Variants in FBF1 observed in about 807,000 individuals in gnomAD.
FBF1 encodes Fas binding factor 1, also known as fas-binding factor 1.
FBF1 carries 119 observed loss-of-function variants against 147.2 expected under a neutral mutation model. The ratio of observed to expected loss-of-function variants is 0.81; its 90% CI spans 0.70 to 0.94. The LOEUF is 0.94. Ranked by LOEUF, FBF1 falls within the 40% of genes least tolerant of loss-of-function variation. The pLI, the probability that FBF1 is intolerant of heterozygous loss-of-function variation, is 0.00. For synonymous variants in FBF1, 601 were observed against 609.0 expected, an observed-to-expected ratio of 0.99 and a Z score of 0.19; for missense variants, 1,449 against 1,500.8, an observed-to-expected ratio of 0.97 and a Z score of 0.57.
chr17:75,930,968 A>C (rs1567863366), intron 6 of FBF1, among the ~76,000 whole-genome samples: 3 of 151,764 alleles, frequency 2.0e-5, no homozygotes, highest in Non-Finnish European at 4.4e-5. Context: ...GGTGGCAGGC[A>C]CCTGTAAGCC....
At chr17:75,932,344 C>T (rs2065599400) in intron 5 of FBF1, among the ~76,000 whole-genome samples, 5 of 152,102 alleles carry the variant, frequency 3.3e-5, no homozygotes, top group Admixed American at 3.3e-4. Context: ...CACTGCACTC[C>T]AGCCTGGGTG....
rs1271201504 is a variant in FBF1, at chr17:75,922,271, A to T, written c.1425-225T>A. 6.6e-6 allele frequency among the ~76,000 whole-genome samples: 1 copy of T among 152,040 alleles called. No individual in the cohort carries two copies. The highest frequency in any genetic ancestry group is 1.5e-5 in the Non-Finnish European group (1 of 67,988). ...CCTGCCTCAATGTCCACAGTGGTGC[A>T]GTGAATGGACACTGTCCAAGCAGTG... On this transcript the variant is annotated intron_variant, in intron 14 of 29. Transcript: ENST00000636174. The surrounding 1 kb of genome is among the most constrained non-coding windows in gnomAD (Gnocchi z 5.0).
At position 75,925,358 on chromosome 17, in the gene FBF1, C is replaced by T. The variant is rs780824959; in HGVS notation, c.957G>A (p.Arg319=). Residue 319 remains arginine, a synonymous_variant, in exon 13 of 30, where the codon CGG becomes CGA. Transcript: ENST00000636174. This position sits in a 1 kb window ranked among gnomAD's most constrained non-coding sequence, Gnocchi z 5.0. The part of the protein sequence containing the change: ...VVSSEGRQSR[R]QSVSRFFADS... ...CAGGCCCCACTTACCTGACAGACTG[C>T]CGGCGGGACTGCCGGCCCTCAGAGG... 6.2e-7 allele frequency: 1 copy of T among 1,612,694 alleles called. No individual in the cohort carries two copies. Among genetic ancestry groups the T allele is most frequent in the Admixed American group, 1.7e-5 (1 of 59,826 alleles).
Position 75,920,075 on chromosome 17 carries a change from A to C in FBF1, c.1863T>G (p.His621Gln). Reference sequence around the variant, plus strand: ...GCTGCAGACTCCCCAGCAGCAGCTCATGCTGGGCCCGTTCTAGCTCCAGCT... The same window carrying C: ...GCTGCAGACTCCCCAGCAGCAGCTCCTGCTGGGCCCGTTCTAGCTCCAGCT... ...VRKLELERAQ[H>Q]ELLLGSLQQQ... Residue 621 changes from histidine to glutamine, a missense_variant, in exon 19 of 30, where the codon CAT becomes CAG. His to Gln is a conservative substitution (Grantham distance 24). Coordinates refer to ENST00000636174, the MANE Select transcript of FBF1 (RefSeq NM_001319193.2). 26 of 1,592,972 alleles carry C rather than the reference A, an allele frequency of 1.6e-5. No homozygotes were observed. Among genetic ancestry groups the C allele is most frequent in the Non-Finnish European group, 2.2e-5 (26 of 1,170,340 alleles).
At chr17:75,921,833 C>CGGACACGGGG in intron 15 of FBF1, 112 bp downstream of exon 15, 2 of 968,080 alleles carry the variant, frequency 2.1e-6, no homozygotes, top group South Asian at 3.1e-5. Flanking sequence ...CTGTGTGGGA[C>CGGACACGGGG]ACGGGGACGG....
chr17:75,913,052 G>GA (rs1233480599), intron 28 of FBF1, among the ~76,000 whole-genome samples: 1 of 135,432 alleles, frequency 7.4e-6, no homozygotes, highest in Non-Finnish European at 1.6e-5. Context: ...AAAAAGAAAA[G>GA]AAAAAAAAAG....
At chr17:75,938,116 T>A (rs755697454) in intron 2 of FBF1, 31 bp downstream of exon 2, 1 of 1,612,912 alleles carries the variant, frequency 6.2e-7, no homozygotes, top group East Asian at 2.2e-5. Context: ...CATGTTCGCT[T>A]TCCATGCATC....
rs919183657 is a variant in FBF1 at position 75,919,954 on chromosome 17, C to A, written c.1931+53G>T. On this transcript the variant is annotated intron_variant, in intron 19 of 29. Coordinates refer to ENST00000636174, the MANE Select transcript of FBF1 (RefSeq NM_001319193.2). This position sits in a 1 kb window ranked among gnomAD's most constrained non-coding sequence, Gnocchi z 5.0. ...AGGCCTCTCCAGGCACACTGGGTGGCCTTTGGGGTCAGTGTGAGATCCAAG... is the reference window on the plus strand; with the variant it reads ...AGGCCTCTCCAGGCACACTGGGTGGACTTTGGGGTCAGTGTGAGATCCAAG... 15 of 1,610,146 alleles carry A rather than the reference C, an allele frequency of 9.3e-6. 1 individual carries two copies. The African/African-American group carries it at 2.0e-4, about 22-fold the overall frequency.
intron 6 of FBF1, among the ~76,000 whole-genome samples, chr17:75,930,584 A>AC (rs2065588331): frequency 6.6e-6 from 1 of 151,976 alleles, no homozygotes; most frequent in Non-Finnish European, 1.5e-5. Context: ...ATGTGGTGAA[A>AC]CCCCGTCTCT....
chr17:75,930,520 G>A (rs535348202), intron 6 of FBF1, among the ~76,000 whole-genome samples: 3 of 152,352 alleles, frequency 2.0e-5, no homozygotes, highest in Non-Finnish European at 4.4e-5. Flanking sequence ...AGCACTTTGG[G>A]AGGCCGAGGC....
intron 29 of FBF1, among the ~76,000 whole-genome samples, chr17:75,911,759 C>T (rs1474187754): frequency 6.6e-6 from 1 of 152,180 alleles, no homozygotes; most frequent in Non-Finnish European, 1.5e-5. Context: ...AATCCTCCCA[C>T]CATAGCCTCC....
Position 75,931,305 on chromosome 17 carries a change from G to T in FBF1, c.168-16C>A, listed in dbSNP as rs759225300. ...CAGGAGGGACCTGCAAAGGGGAGGC[G>T]TCAGCCCCTACCTGCATCCCAGGGC... On this transcript the variant is annotated splice_polypyrimidine_tract_variant and intron_variant, in intron 5 of 29. Coordinates refer to ENST00000636174, the MANE Select transcript of FBF1 (RefSeq NM_001319193.2). 1.5e-5 allele frequency: 24 copies of T among 1,574,628 alleles called. No individual in the cohort carries two copies. In the South Asian group the frequency reaches 2.3e-4, roughly 15 times the overall value.
chr17:75,919,680 C>A lies in FBF1; in HGVS notation c.2126G>T (p.Arg709Leu). 1 of 1,603,442 alleles carries A rather than the reference C, an allele frequency of 6.2e-7. No individual in the cohort carries two copies. Among genetic ancestry groups the A allele is most frequent in the Non-Finnish European group, 8.5e-7 (1 of 1,176,338 alleles). The change falls in exon 20 of 30, where the codon CGG becomes CTG. Residue 709 changes from arginine to leucine, a missense_variant. Physicochemically the swap from Arg to Leu is moderately radical, Grantham distance 102. Transcript: ENST00000636174. The surrounding 1 kb of genome is among the most constrained non-coding windows in gnomAD (Gnocchi z 5.0). ...CCCTGGGCCTCACCGCTGCAGCTCC[C>A]GGAGCCGCTCCATTTCCTGGTCCTT... ...QEKDQEMERL[R>L]ELQRASILDM...
rs1182790812 is a variant in FBF1, at chr17:75,923,071, GC to G, written c.1424+114del. The G allele has an allele frequency of 9.3e-7, 1 of 1,080,716 alleles. No homozygotes were observed. Among genetic ancestry groups the G allele is most frequent in the African/African-American group, 1.6e-5 (1 of 62,434 alleles). 66.9% of individuals were successfully genotyped at this position (1,080,716 alleles called of 1,614,324 possible). A position where few individuals can be genotyped will look rare whatever the true frequency, so the allele number is the denominator to read the frequency against. ...AAGAAGCGGCCTCTGTGGCCACGGCGCCCTGCCTTGTTCCCCAACTGCTGAC... is the reference window on the plus strand; with the variant it reads ...AAGAAGCGGCCTCTGTGGCCACGGCGCCTGCCTTGTTCCCCAACTGCTGAC... On this transcript the variant is annotated intron_variant, in intron 14 of 29. Transcript: ENST00000636174. This position sits in a 1 kb window ranked among gnomAD's most constrained non-coding sequence, Gnocchi z 4.1.
At chr17:75,927,667 A>G in intron 8 of FBF1, 135 bp from the exon 9 acceptor site, 1 of 724,280 alleles carries the variant, frequency 1.4e-6, no homozygotes, top group South Asian at 1.8e-5. Context: ...CCATGGGCAC[A>G]GCCAAGGGAG....
Position 75,920,273 on chromosome 17 carries a change from C to A in FBF1, c.1830+1G>T. On this transcript the variant is annotated splice_donor_variant, in intron 18 of 29. Transcript: ENST00000636174. LOFTEE classifies it high-confidence loss of function. ...GCACCAACGGCCCCGCTGCCCCTCA[C>A]CTGGGCCTCCAGCTCTGCCAGCCGG... 1 of 1,608,936 alleles carries A rather than the reference C, an allele frequency of 6.2e-7. No individual in the cohort carries two copies.
At position 75,932,990 on chromosome 17, in the gene FBF1, C is replaced by G. The variant is rs1281580940; in HGVS notation, c.167+5G>C. ...CATGGATACCCAGTCGGACCCTGCC[C>G]TTACTTTGTTCTCGCCTTTGAAGAA... On this transcript the variant is annotated splice_donor_5th_base_variant and intron_variant, in intron 5 of 29. Transcript: ENST00000636174. 1.3e-6 allele frequency: 2 copies of G among 1,592,344 alleles called. No individual in the cohort carries two copies. Among genetic ancestry groups the G allele is most frequent in the Non-Finnish European group, 1.7e-6 (2 of 1,163,210 alleles).
rs2065543622 is a variant in FBF1 at position 75,923,717 on chromosome 17, C to T, written c.969-76G>A. On this transcript the variant is annotated intron_variant, in intron 13 of 29. Transcript: ENST00000636174. This position sits in a 1 kb window ranked among gnomAD's most constrained non-coding sequence, Gnocchi z 4.1. ...GGCCCCCTAGCAGCCTGCAGCTGGG[C>T]GTCACGATGCCCAGGGACCCTGCAC... 8.7e-6 allele frequency: 12 copies of T among 1,372,404 alleles called. No homozygotes were observed. Among genetic ancestry groups the T allele is most frequent in the Admixed American group, 2.4e-5 (1 of 41,712 alleles). The allele number at this position is 1,372,404 out of a possible 1,614,324, so 85.0% of individuals were successfully genotyped here. A position where few individuals can be genotyped will look rare whatever the true frequency, so the allele number is the denominator to read the frequency against.
chr17:75,921,822 T>A (rs921776887), intron 15 of FBF1, 123 bp downstream of exon 15: 9 of 904,102 alleles, frequency 1.0e-5, no homozygotes, highest in Non-Finnish European at 1.5e-5. Context: ...GTGGGCAGCC[T>A]CTGTGTGGGA....
Sources: allele counts gnomAD v4.1 joint callset (sites outside exome capture counted in the v4.1 genomes callset), GRCh38; gene constraint gnomAD v4.1.1; non-coding constraint Gnocchi (gnomAD v3.1); transcripts MANE v1.5; gene names NCBI Gene and HGNC (gene_info 2026-07-23, HGNC 2026-07-21).